HECTD4: variants seen among roughly 807,000 people sequenced by gnomAD.
HECTD4 encodes the protein probable E3 ubiquitin-protein ligase HECTD4.
In HECTD4, 114 loss-of-function variants were observed where a neutral mutation model predicts 471.5. That is an observed-to-expected ratio of 0.24 (90% CI 0.21 to 0.28). The LOEUF (loss-of-function observed/expected upper bound fraction) is 0.28, where lower values mean the gene tolerates loss of function less well. Among genes scored for constraint, HECTD4 ranks in the 10% least tolerant of loss-of-function variants. The pLI is 1.00. For synonymous variants in HECTD4, 2,012 were observed against 2,256.0 expected, an observed-to-expected ratio of 0.89 and a Z score of 3.07; for missense variants, 3,866 against 5,651.5, an observed-to-expected ratio of 0.68 and a Z score of 10.13.
Position 112,231,659 on chromosome 12 carries a change from G to T in HECTD4, c.6054C>A (p.Thr2018=). The change falls in exon 39 of 76, where the codon ACC becomes ACA. Residue 2018 remains threonine, a synonymous_variant. Coordinates refer to ENST00000682272, the MANE Select transcript of HECTD4 (RefSeq NM_001388303.1). ...EEAAAALRKA[T]KWAQSGLIVS... is the part of the protein sequence containing the mutation. Reference sequence around the variant, plus strand: ...CGATGAGGCCTGACTGTGCCCACTTGGTGGCTTTCCGCAGGGCGGCTGCAG... The same window carrying T: ...CGATGAGGCCTGACTGTGCCCACTTTGTGGCTTTCCGCAGGGCGGCTGCAG... 6 of 1,613,698 alleles carry T rather than the reference G, an allele frequency of 3.7e-6. No individual in the cohort carries two copies. The highest frequency in any genetic ancestry group is 5.1e-6 in the Non-Finnish European group (6 of 1,179,872).
intron 1 of HECTD4, among the ~76,000 whole-genome samples, chr12:112,342,138 CT>C (rs1249838078): frequency 2.0e-5 from 3 of 152,278 alleles, no homozygotes; most frequent in African/African-American, 7.2e-5. Flanking sequence ...TATTGTTGAA[CT>C]ATTGGTCCTA....
chr12:112,295,930 G>A (rs1458746981), intron 7 of HECTD4, among the ~76,000 whole-genome samples: 1 of 152,068 alleles, frequency 6.6e-6, no homozygotes. Context: ...CCAAAGTGCT[G>A]GGATTACAGG....
At chr12:112,324,205 T>TC (rs1245704588) in intron 1 of HECTD4, among the ~76,000 whole-genome samples, 1 of 149,798 alleles carries the variant, frequency 6.7e-6, no homozygotes, top group Non-Finnish European at 1.5e-5. Context: ...GCCTCAAGCT[T>TC]CCCAGGCTCA....
At chr12:112,191,291 G>A (rs1301744473) in intron 59 of HECTD4, among the ~76,000 whole-genome samples, 3 of 152,238 alleles carry the variant, frequency 2.0e-5, no homozygotes, top group East Asian at 3.8e-4. Context: ...CACTTTAAAA[G>A]ATGCCTCACT....
Position 112,324,040 on chromosome 12 carries a change from T to C in HECTD4, c.178-4298A>G, listed in dbSNP as rs2035674714. Reference sequence around the variant, plus strand: ...TTCCTTCCTTCCTTCCTTCCTTCCTTCCTTCCTTTCTTTCTTTCTTTCTTT... The same window carrying C: ...TTCCTTCCTTCCTTCCTTCCTTCCTCCCTTCCTTTCTTTCTTTCTTTCTTT... On this transcript the variant is annotated intron_variant, in intron 1 of 75. Coordinates refer to ENST00000682272, the MANE Select transcript of HECTD4 (RefSeq NM_001388303.1). 1.6e-4 allele frequency among the ~76,000 whole-genome samples: 9 copies of C among 55,362 alleles called. 1 individual carries two copies. Among genetic ancestry groups the C allele is most frequent in the African/African-American group, 1.4e-3 (9 of 6,488 alleles). The allele number at this position is 55,362 out of a possible 152,430, so 36.3% of individuals were successfully genotyped here. A position where few individuals can be genotyped will look rare whatever the true frequency, so the allele number is the denominator to read the frequency against.
Position 112,235,013 on chromosome 12 carries a change from A to G in HECTD4, c.5915+64T>C. Reference sequence around the variant, plus strand: ...GTCGATACATGTACAGGGCTTACTTAGCACAGTGCCTGTGACATGGGTGGT... The same window carrying G: ...GTCGATACATGTACAGGGCTTACTTGGCACAGTGCCTGTGACATGGGTGGT... On this transcript the variant is annotated intron_variant, in intron 37 of 75. Coordinates refer to ENST00000682272, the MANE Select transcript of HECTD4 (RefSeq NM_001388303.1). This position sits in a 1 kb window ranked among gnomAD's most constrained non-coding sequence, Gnocchi z 5.0. The G allele has an allele frequency of 1.4e-6, 2 of 1,443,158 alleles. No homozygotes were observed. The highest frequency in any genetic ancestry group is 1.9e-6 in the Non-Finnish European group (2 of 1,061,220). The allele number at this position is 1,443,158 out of a possible 1,614,324, so 89.4% of individuals were successfully genotyped here.
chr12:112,335,721 T>C (rs2035945397), intron 1 of HECTD4, among the ~76,000 whole-genome samples: 1 of 152,074 alleles, frequency 6.6e-6, no homozygotes, highest in South Asian at 2.1e-4. Flanking sequence ...GTGCAGCGTA[T>C]ACTGCTCAGA....
intron 66 of HECTD4, among the ~76,000 whole-genome samples, chr12:112,174,445 G>C (rs555743385): frequency 6.8e-5 from 10 of 148,092 alleles, no homozygotes; most frequent in South Asian, 2.1e-4. Flanking sequence ...GTAGAGACAG[G>C]GTTTCACCAC....
intron 62 of HECTD4, among the ~76,000 whole-genome samples, chr12:112,180,346 A>G (rs1159097098): frequency 6.6e-6 from 1 of 152,138 alleles, no homozygotes; most frequent in African/African-American, 2.4e-5. Context: ...TAAGGAGTTC[A>G]AGACCAGCCT....
intron 50 of HECTD4, 48 bp downstream of exon 50, chr12:112,209,967 A>G (rs1341183675): frequency 6.9e-7 from 1 of 1,445,212 alleles, no homozygotes; most frequent in Non-Finnish European, 9.6e-7. Context: ...CATAACATTC[A>G]TGGTCTCAGG....
intron 2 of HECTD4, among the ~76,000 whole-genome samples, chr12:112,316,489 C>T (rs530776583): frequency 6.6e-6 from 1 of 152,296 alleles, no homozygotes; most frequent in Non-Finnish European, 1.5e-5. Context: ...GGTCTACCTG[C>T]TCTCCACTGT....
chr12:112,293,182 A>G lies in HECTD4; in HGVS notation c.1336-9880T>C, dbSNP rs544369310. ...GGAGTTCGAGACCAGCCTGACCAAC[A>G]TGGTGAAACCCCGTCTCTACTAAAA... On this transcript the variant is annotated intron_variant, in intron 7 of 75. Transcript: ENST00000682272. Among the ~76,000 whole-genome samples the G allele has an allele frequency of 1.6e-4, 24 of 151,998 alleles. No homozygotes were observed. In the South Asian group the frequency reaches 3.7e-3, roughly 24 times the overall value.
At chr12:112,220,021 C>A (rs2033044341) in intron 44 of HECTD4, among the ~76,000 whole-genome samples, 1 of 152,112 alleles carries the variant, frequency 6.6e-6, no homozygotes, top group African/African-American at 2.4e-5. Context: ...GGATTCAGAA[C>A]CTGGCCCCAG....
intron 54 of HECTD4, among the ~76,000 whole-genome samples, chr12:112,202,695 A>T (rs992871710): frequency 6.6e-6 from 1 of 152,158 alleles, no homozygotes; most frequent in Non-Finnish European, 1.5e-5. Flanking sequence ...AGCTTCTCAA[A>T]TACAAGGATG....
chr12:112,372,471 G>A (rs7969909), intron 1 of HECTD4, among the ~76,000 whole-genome samples: 6,067 of 150,810 alleles, frequency 0.04, 267 homozygotes, highest in African/African-American at 0.11. Context: ...CCGTGTTAGC[G>A]AAGATGGTCT....
chr12:112,282,823 C>T lies in HECTD4; in HGVS notation c.1528+287G>A, dbSNP rs575263991. Among the ~76,000 whole-genome samples the T allele has an allele frequency of 5.9e-5, 9 of 152,300 alleles. No homozygotes were observed. The East Asian group carries it at 1.5e-3, about 26-fold the overall frequency. ...GTATCAGGTTTTCTCATTCACAAAG[C>T]ATACGCAAAATATGAAATCAACTAA... On this transcript the variant is annotated intron_variant, in intron 8 of 75. Coordinates refer to ENST00000682272, the MANE Select transcript of HECTD4 (RefSeq NM_001388303.1).
chr12:112,185,415 G>A lies in HECTD4; in HGVS notation c.9551C>T (p.Thr3184Met), dbSNP rs577238057. Residue 3184 changes from threonine to methionine, a missense_variant, in exon 61 of 76, where the codon ACG becomes ATG. Physicochemically the swap from Thr to Met is moderately conservative, Grantham distance 81. Transcript: ENST00000682272. ...VFHLLAELLRTVHTLEQRRHP... is the reference protein window; with the variant it reads ...VFHLLAELLRMVHTLEQRRHP... ...CCGCCTCTGCTCCAGGGTGTGCACC[G>A]TGCGCAGGAGCTCTGCCAGGAGATG... is the stretch of plus-strand genomic sequence containing the variant. The A allele has an allele frequency of 1.3e-6, 2 of 1,599,302 alleles. No individual in the cohort carries two copies. Among genetic ancestry groups the A allele is most frequent in the South Asian group, 2.2e-5 (2 of 89,614 alleles).
At chr12:112,353,192 C>T (rs1486153034) in intron 1 of HECTD4, among the ~76,000 whole-genome samples, 3 of 152,214 alleles carry the variant, frequency 2.0e-5, no homozygotes, top group Non-Finnish European at 2.9e-5. Context: ...AAAACTATGT[C>T]TGATGATGTT....
intron 25 of HECTD4, among the ~76,000 whole-genome samples, chr12:112,248,728 A>G (rs1207193082): frequency 6.6e-6 from 1 of 152,102 alleles, no homozygotes; most frequent in Non-Finnish European, 1.5e-5. Flanking sequence ...CTACAGGTGC[A>G]TGCTGCCATG....
Sources: allele counts gnomAD v4.1 joint callset (sites outside exome capture counted in the v4.1 genomes callset), GRCh38; gene constraint gnomAD v4.1.1; non-coding constraint Gnocchi (gnomAD v3.1); transcripts MANE v1.5; gene names NCBI Gene and HGNC (gene_info 2026-07-23, HGNC 2026-07-21).